Variants in DLG2 observed in about 807,000 individuals in gnomAD.
The protein encoded by DLG2 is disks large homolog 2.
A neutral mutation model predicts 132.5 loss-of-function variants in DLG2; 45 were observed. The observed-to-expected ratio is 0.34, with a 90% CI of 0.27 to 0.44. DLG2 has a LOEUF of 0.44. DLG2 is among the 20% of genes least tolerant of loss of function. The pLI, the probability that DLG2 is intolerant of heterozygous loss-of-function variation, is 1.00. For missense variants in DLG2, 1,045 were observed against 1,196.9 expected, an observed-to-expected ratio of 0.87 and a Z score of 1.87; for synonymous variants, 424 against 419.6, an observed-to-expected ratio of 1.01 and a Z score of -0.13.
At position 85,002,532 on chromosome 11, in the gene DLG2, T is replaced by G. The variant is rs151244825; in HGVS notation, c.357+109129A>C. ...ATCTTTAATTTGGCCTTTTCCTTTTTTATCATCATCTAAAAGTACTGGTAG... is the reference window on the plus strand; with the variant it reads ...ATCTTTAATTTGGCCTTTTCCTTTTGTATCATCATCTAAAAGTACTGGTAG... On this transcript the variant is annotated intron_variant, in intron 6 of 27. Transcript: ENST00000376104. Among the ~76,000 whole-genome samples the G allele has an allele frequency of 2.0e-5, 3 of 152,302 alleles. No homozygotes were observed. The East Asian group carries it at 5.8e-4, about 29-fold the overall frequency.
At chr11:85,628,074 T>C (rs920921561), upstream of DLG2, among the ~76,000 whole-genome samples, 1 of 151,926 alleles carries the variant, frequency 6.6e-6, no homozygotes, top group East Asian at 1.9e-4. Context: ...GACTACAGAC[T>C]GGGGAGAGGA....
In DLG2 at chr11:85,348,072, G is replaced by A. The variant is rs545309156; in HGVS notation, c.41-62707C>T. ...ACAATCTTGGCTCACTGCAATTTCC[G>A]CCTCCCTGGTTCAAGCGATTCTTCT... On this transcript the variant is annotated intron_variant, in intron 3 of 27. Transcript: ENST00000376104. Among the ~76,000 whole-genome samples, 39 of 130,216 alleles carry A rather than the reference G, an allele frequency of 3.0e-4. 1 individual carries two copies. The highest frequency in any genetic ancestry group is 1.0e-3 in the African/African-American group (35 of 34,636). The allele number at this position is 130,216 out of a possible 152,430, so 85.4% of individuals were successfully genotyped here. A position where few individuals can be genotyped will look rare whatever the true frequency, so the allele number is the denominator to read the frequency against.
At chr11:85,472,082 C>G (rs1039871240) in intron 3 of DLG2, among the ~76,000 whole-genome samples, 1 of 152,118 alleles carries the variant, frequency 6.6e-6, no homozygotes, top group Non-Finnish European at 1.5e-5. Context: ...AGCCTGAAAA[C>G]CAAGCTGCCA....
intron 6 of DLG2, among the ~76,000 whole-genome samples, chr11:84,629,573 G>A (rs145273486): frequency 1.3e-5 from 2 of 152,170 alleles, no homozygotes; most frequent in South Asian, 2.1e-4. Flanking sequence ...AAGAGTTCAA[G>A]TTCTTCCTTA....
intron 6 of DLG2, among the ~76,000 whole-genome samples, chr11:84,712,016 T>C (rs1198891430): frequency 3.3e-5 from 5 of 152,052 alleles, no homozygotes; most frequent in African/African-American, 7.2e-5. Flanking sequence ...GAATTTACAA[T>C]TGAATATTAC....
chr11:83,838,291 G>A (rs2056754755), intron 16 of DLG2, among the ~76,000 whole-genome samples: 2 of 152,230 alleles, frequency 1.3e-5, no homozygotes, highest in South Asian at 4.1e-4. Flanking sequence ...ACAAGTACAC[G>A]GATGTTCATT....
chr11:85,521,064 A>G (rs2074270727), intron 3 of DLG2, among the ~76,000 whole-genome samples: 1 of 152,232 alleles, frequency 6.6e-6, no homozygotes, highest in South Asian at 2.1e-4. Flanking sequence ...ACTAATAAAC[A>G]AAGTGAAGAG....
chr11:84,331,619 T>C (rs1233357212), intron 7 of DLG2, among the ~76,000 whole-genome samples: 1 of 149,792 alleles, frequency 6.7e-6, no homozygotes, highest in Non-Finnish European at 1.5e-5. Flanking sequence ...TGGGTGGTGG[T>C]GGGAAACAAA....
At chr11:85,567,744 G>C (rs1364089068) in intron 3 of DLG2, among the ~76,000 whole-genome samples, 2 of 152,094 alleles carry the variant, frequency 1.3e-5, no homozygotes, top group African/African-American at 4.8e-5. Context: ...TATTAAGTAT[G>C]ATGTTAACTG....
chr11:85,078,298 A>T (rs2154170407), intron 6 of DLG2, among the ~76,000 whole-genome samples: 1 of 151,358 alleles, frequency 6.6e-6, no homozygotes, highest in South Asian at 2.1e-4. Context: ...ATATAAGGTT[A>T]TTGAGGAAGG....
chr11:83,904,458 CA>C (rs1404302019), intron 15 of DLG2, among the ~76,000 whole-genome samples: 3 of 152,068 alleles, frequency 2.0e-5, no homozygotes, highest in Non-Finnish European at 4.4e-5. Flanking sequence ...ATAAATTTAA[CA>C]GCTTAAATAA....
chr11:85,490,100 A>T (rs1207487187), intron 3 of DLG2, among the ~76,000 whole-genome samples: 1 of 152,114 alleles, frequency 6.6e-6, no homozygotes, highest in African/African-American at 2.4e-5. Context: ...AGGTGAGAGG[A>T]TCAATTAAGC....
chr11:84,923,901 C>T (rs2092879305), intron 6 of DLG2, among the ~76,000 whole-genome samples: 1 of 151,980 alleles, frequency 6.6e-6, no homozygotes, highest in Admixed American at 6.6e-5. Context: ...AATGATGTGG[C>T]CAATTTTCCA....
At chr11:85,558,988 G>A (rs947451718) in intron 3 of DLG2, among the ~76,000 whole-genome samples, 1 of 151,482 alleles carries the variant, frequency 6.6e-6, no homozygotes, top group East Asian at 1.9e-4. Context: ...CTAACGTGCA[G>A]AACTAAAGGG....
intron 21 of DLG2, among the ~76,000 whole-genome samples, chr11:83,518,943 G>GCTAT (rs1443372378): frequency 1.3e-4 from 20 of 152,302 alleles, no homozygotes; most frequent in African/African-American, 3.8e-4. Context: ...GCTCCATACA[G>GCTAT]CTATCTGCTG....
At chr11:83,571,513 C>T (rs1413939594) in intron 19 of DLG2, among the ~76,000 whole-genome samples, 1 of 150,484 alleles carries the variant, frequency 6.6e-6, no homozygotes, top group Non-Finnish European at 1.5e-5. Flanking sequence ...ACTCTGCTTA[C>T]TCACAAGGAA....
chr11:85,389,512 C>T (rs2086624423), intron 3 of DLG2, among the ~76,000 whole-genome samples: 1 of 152,032 alleles, frequency 6.6e-6, no homozygotes, highest in Admixed American at 6.6e-5. Flanking sequence ...CAAAGAACAC[C>T]TAGGAAATTA....
chr11:85,404,786 CTT>C (rs2088556466), intron 3 of DLG2, among the ~76,000 whole-genome samples: 1 of 152,098 alleles, frequency 6.6e-6, no homozygotes, highest in African/African-American at 2.4e-5. Flanking sequence ...CATGCTGACT[CTT>C]AACCCTCAAA....
intron 4 of DLG2, among the ~76,000 whole-genome samples, chr11:85,209,214 C>T (rs566642315): frequency 6.6e-6 from 1 of 152,184 alleles, no homozygotes; most frequent in South Asian, 2.1e-4. Flanking sequence ...AAATGCAGTA[C>T]CTTAGCACTG....
Sources: allele counts gnomAD v4.1 joint callset (sites outside exome capture counted in the v4.1 genomes callset), GRCh38; gene constraint gnomAD v4.1.1; transcripts MANE v1.5; gene names NCBI Gene and HGNC (gene_info 2026-07-23, HGNC 2026-07-21).